APP: variants seen among roughly 807,000 people sequenced by gnomAD.
APP encodes the protein amyloid beta precursor protein.
In APP, 31 loss-of-function variants were observed where a neutral mutation model predicts 101.4. The observed-to-expected ratio is 0.31, with a 90% CI of 0.23 to 0.41. APP has a LOEUF of 0.41. APP is among the 10% of genes least tolerant of loss of function. The pLI is 1.00. For missense variants in APP, 839 were observed against 1,003.7 expected, an observed-to-expected ratio of 0.84 and a Z score of 2.22; for synonymous variants, 366 against 364.4, an observed-to-expected ratio of 1.00 and a Z score of -0.05.
chr21:26,165,116 ACT>A (rs1458489827), intron 1 of APP, among the ~76,000 whole-genome samples: 2 of 144,164 alleles, frequency 1.4e-5, no homozygotes, highest in Admixed American at 1.3e-4. Flanking sequence ...TTTAGATCAA[ACT>A]CATAGACAAC....
chr21:26,086,791 G>C (rs1027898567), intron 3 of APP, among the ~76,000 whole-genome samples: 1 of 152,108 alleles, frequency 6.6e-6, no homozygotes, highest in Non-Finnish European at 1.5e-5. Flanking sequence ...TTCTTTTTTA[G>C]TGCTATTGTC....
intron 1 of APP, among the ~76,000 whole-genome samples, chr21:26,119,000 A>ATTTT (rs2062501545): frequency 6.6e-6 from 1 of 152,196 alleles, no homozygotes; most frequent in African/African-American, 2.4e-5. Flanking sequence ...AGATAGAAAA[A>ATTTT]GGGTTAGAGG....
At chr21:25,967,074 C>A (rs1485165553) in intron 11 of APP, among the ~76,000 whole-genome samples, 3 of 152,180 alleles carry the variant, frequency 2.0e-5, no homozygotes, top group Admixed American at 6.5e-5. Flanking sequence ...AAGAGTCTCA[C>A]AGAATTCATG....
intron 2 of APP, among the ~76,000 whole-genome samples, chr21:26,094,353 A>C (rs900833547): frequency 2.6e-5 from 4 of 152,194 alleles, no homozygotes; most frequent in Middle Eastern, 3.4e-3. Context: ...AAGCAGAGCA[A>C]GACCCTTTTG....
intron 13 of APP, among the ~76,000 whole-genome samples, chr21:25,944,180 T>C (rs973146353): frequency 1.2e-4 from 18 of 152,168 alleles, no homozygotes; most frequent in African/African-American, 3.9e-4. Context: ...GACAAACACA[T>C]TAAACAGGCT....
intron 1 of APP, among the ~76,000 whole-genome samples, chr21:26,168,447 T>C (rs2063664831): frequency 6.6e-6 from 1 of 152,158 alleles, no homozygotes; most frequent in South Asian, 2.1e-4. Flanking sequence ...CTCCACCCTT[T>C]AAAGGAGTTA....
intron 9 of APP, among the ~76,000 whole-genome samples, chr21:25,977,487 G>C (rs2042267045): frequency 1.3e-5 from 2 of 152,106 alleles, no homozygotes; most frequent in Admixed American, 1.3e-4. Flanking sequence ...ACTTCAAGAT[G>C]GGAAAGAAAA....
At chr21:26,088,388 G>A (rs2061746417) in intron 3 of APP, among the ~76,000 whole-genome samples, 1 of 152,158 alleles carries the variant, frequency 6.6e-6, no homozygotes, top group Admixed American at 6.5e-5. Context: ...GCAGTTTTGA[G>A]TGTCATACCA....
chr21:25,943,462 T>TC (rs1255446235), intron 13 of APP, among the ~76,000 whole-genome samples: 14 of 148,134 alleles, frequency 9.5e-5, no homozygotes, highest in African/African-American at 3.0e-4. Context: ...TTTTTTTTTT[T>TC]TCTCTTTTGA....
intron 2 of APP, among the ~76,000 whole-genome samples, chr21:26,104,844 G>A (rs961060957): frequency 6.6e-6 from 1 of 152,042 alleles, no homozygotes; most frequent in Non-Finnish European, 1.5e-5. Flanking sequence ...AAGTCAAAAC[G>A]ACGTGACGGT....
intron 1 of APP, among the ~76,000 whole-genome samples, chr21:26,170,218 C>A (rs117107800): frequency 6.6e-6 from 1 of 152,296 alleles, no homozygotes; most frequent in Non-Finnish European, 1.5e-5. Flanking sequence ...CCCCTTCCCC[C>A]CTGTCTGAAT....
At chr21:25,988,485 T>C (rs990189867) in intron 8 of APP, among the ~76,000 whole-genome samples, 3 of 152,040 alleles carry the variant, frequency 2.0e-5, no homozygotes, top group Non-Finnish European at 4.4e-5. Flanking sequence ...GCAGATCACC[T>C]GAGGTCAGGA....
At chr21:25,969,678 A>C (rs925981092) in intron 11 of APP, among the ~76,000 whole-genome samples, 6 of 151,650 alleles carry the variant, frequency 4.0e-5, no homozygotes, top group African/African-American at 1.5e-4. Context: ...TGTCTTTACA[A>C]AAATTTTTTA....
chr21:25,947,119 C>T (rs974980482), intron 13 of APP, among the ~76,000 whole-genome samples: 3 of 152,058 alleles, frequency 2.0e-5, no homozygotes, highest in Non-Finnish European at 2.9e-5. Context: ...TTCAGGAAAA[C>T]GGATGCTGTA....
intron 1 of APP, among the ~76,000 whole-genome samples, chr21:26,145,642 A>G (rs1355394744): frequency 6.6e-6 from 1 of 152,174 alleles, no homozygotes; most frequent in East Asian, 1.9e-4. Flanking sequence ...ATAGTACAAA[A>G]GGTGATAATA....
At chr21:26,112,264 CAGCCCGGTCT>C in intron 1 of APP, 118 bp from the exon 2 acceptor site, 1 of 1,089,692 alleles carries the variant, frequency 9.2e-7, no homozygotes, top group South Asian at 1.3e-5. Context: ...AATTAGGAAT[CAGCCCGGTCT>C]TCAACACTCC....
chr21:25,955,779 CTT>C (rs750521881), intron 11 of APP, 24 bp from the exon 12 acceptor site: 2 of 1,613,804 alleles, frequency 1.2e-6, no homozygotes, highest in East Asian at 4.5e-5. Flanking sequence ...ATGAAAAACT[CTT>C]TTTCAAGTTT....
intron 15 of APP, among the ~76,000 whole-genome samples, chr21:25,899,128 G>A (rs2038272454): frequency 6.6e-6 from 1 of 152,152 alleles, no homozygotes; most frequent in Non-Finnish European, 1.5e-5. Flanking sequence ...CTGGCTTACA[G>A]ATTGTGAAGC....
At chr21:25,962,449 T>G (rs2041621258) in intron 11 of APP, among the ~76,000 whole-genome samples, 1 of 152,172 alleles carries the variant, frequency 6.6e-6, no homozygotes, top group Non-Finnish European at 1.5e-5. Flanking sequence ...AATGAGTAAC[T>G]TGCAGCTAGA....
Sources: gnomAD v4.1 joint callset for allele counts (sites outside exome capture counted in the v4.1 genomes callset) on GRCh38, gnomAD v4.1.1 for gene constraint, MANE v1.5 for transcripts, NCBI Gene and HGNC (gene_info 2026-07-23, HGNC 2026-07-21) for gene names.